LIN52: variants seen among roughly 807,000 people sequenced by gnomAD.
LIN52 encodes protein lin-52 homolog.
LIN52 carries 4 observed loss-of-function variants against 18.5 expected under a neutral mutation model. The observed-to-expected ratio is 0.22, with a 90% confidence interval of 0.11 to 0.49. The LOEUF is 0.49. Ranked by LOEUF, LIN52 falls within the 20% of genes least tolerant of loss-of-function variation. The pLI is 0.97. For missense variants in LIN52, 102 were observed against 139.5 expected (o/e 0.73, Z 1.35); for synonymous variants, 34 against 45.5 (o/e 0.75, Z 1.02).
chr14:74,143,172 C>T (rs140271542), intron 5 of LIN52, among the ~76,000 whole-genome samples: 2,091 of 152,114 alleles, frequency 0.014, 34 homozygotes, highest in Middle Eastern at 0.092. Context: ...GTGCATAACA[C>T]CTATAGTTTA....
intron 5 of LIN52, among the ~76,000 whole-genome samples, chr14:74,182,609 A>G (rs1382178383): frequency 6.6e-6 from 1 of 152,148 alleles, no homozygotes; most frequent in African/African-American, 2.4e-5. Flanking sequence ...AGTTGTTGAT[A>G]GTGTGAGGGC....
At chr14:74,167,764 G>A (rs2061255743) in intron 5 of LIN52, among the ~76,000 whole-genome samples, 1 of 152,098 alleles carries the variant, frequency 6.6e-6, no homozygotes, top group Non-Finnish European at 1.5e-5. Flanking sequence ...TTGAACTCTT[G>A]AACTCAAGCA....
At chr14:74,166,282 T>C (rs1388693317) in intron 5 of LIN52, among the ~76,000 whole-genome samples, 12 of 152,132 alleles carry the variant, frequency 7.9e-5, no homozygotes, top group Non-Finnish European at 1.6e-4. Context: ...AATGGCGCGA[T>C]CTCAGCTCAC....
At chr14:74,179,002 A>G (rs993805929) in intron 5 of LIN52, among the ~76,000 whole-genome samples, 1 of 151,956 alleles carries the variant, frequency 6.6e-6, no homozygotes, top group African/African-American at 2.4e-5. Context: ...TGAGAGGACC[A>G]CTTGAGCCCA....
At chr14:74,149,011 C>T (rs1364043180) in intron 5 of LIN52, among the ~76,000 whole-genome samples, 1 of 152,192 alleles carries the variant, frequency 6.6e-6, no homozygotes, top group Non-Finnish European at 1.5e-5. Flanking sequence ...CACAAAAACC[C>T]TTAATTTTTA....
At position 74,137,747 on chromosome 14, in the gene LIN52, C is replaced by G. The variant is rs183340359; in HGVS notation, c.283+36509C>G. Among the ~76,000 whole-genome samples, 902 of 152,188 alleles carry G rather than the reference C, an allele frequency of 5.9e-3. 8 individuals are homozygous for G. Among genetic ancestry groups the G allele is most frequent in the African/African-American group, 0.021 (857 of 41,502 alleles). On this transcript the variant is annotated intron_variant, in intron 5 of 5. Coordinates refer to ENST00000555028, the MANE Select transcript of LIN52 (RefSeq NM_001024674.3). ...ACTCTTGACCTCGTGATCCGCCTGC[C>G]TCAGCCTCCCAAAGTGCTGAGATTA...
At chr14:74,173,853 T>G (rs940665766) in intron 5 of LIN52, among the ~76,000 whole-genome samples, 1 of 152,206 alleles carries the variant, frequency 6.6e-6, no homozygotes, top group African/African-American at 2.4e-5. Flanking sequence ...TGCTCAAATT[T>G]TTTATCCAGA....
intron 5 of LIN52, among the ~76,000 whole-genome samples, chr14:74,183,847 T>C (rs1290019651): frequency 6.6e-6 from 1 of 152,188 alleles, no homozygotes; most frequent in Admixed American, 6.6e-5. Flanking sequence ...AACACTACCA[T>C]TATTAACATA....
At chr14:74,129,256 AG>A (rs2061046945) in intron 5 of LIN52, among the ~76,000 whole-genome samples, 1 of 152,196 alleles carries the variant, frequency 6.6e-6, no homozygotes, top group Non-Finnish European at 1.5e-5. Flanking sequence ...TAGTTGCTTT[AG>A]GATGATAGAC....
chr14:74,174,561 C>T (rs971600785), intron 5 of LIN52: 1 of 151,854 alleles, frequency 6.6e-6, no homozygotes, highest in African/African-American at 2.4e-5. Context: ...CTATGCCAAT[C>T]AGGTATCTGC....
intron 5 of LIN52, among the ~76,000 whole-genome samples, chr14:74,165,175 A>G (rs2061242868): frequency 6.6e-6 from 1 of 152,202 alleles, no homozygotes; most frequent in African/African-American, 2.4e-5. Flanking sequence ...AATAATGTAG[A>G]AACTGAATGT....
chr14:74,147,997 TTATGC>T (rs2061159733), intron 5 of LIN52, among the ~76,000 whole-genome samples: 1 of 152,178 alleles, frequency 6.6e-6, no homozygotes, highest in South Asian at 2.1e-4. Flanking sequence ...AAGGTGACTT[TTATGC>T]TATGTGAATT....
chr14:74,119,295 A>G (rs1002348668), intron 5 of LIN52, among the ~76,000 whole-genome samples: 1 of 149,086 alleles, frequency 6.7e-6, no homozygotes, highest in Non-Finnish European at 1.5e-5. Flanking sequence ...CCGAATAGCT[A>G]GGACTACAGG....
intron 1 of LIN52, 142 bp from the exon 2 acceptor site, chr14:74,091,090 C>T (rs534019009): frequency 4.2e-5 from 22 of 529,470 alleles, no homozygotes; most frequent in South Asian, 2.3e-4. Context: ...TATTCTATCA[C>T]GGACCAGTGG....
At chr14:74,192,113 T>G (rs1392684509) in intron 5 of LIN52, among the ~76,000 whole-genome samples, 2 of 152,144 alleles carry the variant, frequency 1.3e-5, no homozygotes, top group Non-Finnish European at 2.9e-5. Flanking sequence ...GGAAGATCTT[T>G]TTAGAAATAA....
At chr14:74,159,768 C>T (rs775814205) in intron 5 of LIN52, among the ~76,000 whole-genome samples, 9 of 152,100 alleles carry the variant, frequency 5.9e-5, no homozygotes, top group Non-Finnish European at 1.3e-4. Flanking sequence ...GACGGGGTTT[C>T]ACCATGTTGG....
At chr14:74,107,584 G>A (rs2060904617) in intron 5 of LIN52, among the ~76,000 whole-genome samples, 1 of 151,818 alleles carries the variant, frequency 6.6e-6, no homozygotes, top group Admixed American at 6.6e-5. Flanking sequence ...ATTCTTCTTG[G>A]AGATTTTTGG....
intron 5 of LIN52, among the ~76,000 whole-genome samples, chr14:74,127,577 T>C (rs906607491): frequency 5.3e-5 from 8 of 152,232 alleles, no homozygotes; most frequent in Non-Finnish European, 1.0e-4. Flanking sequence ...CAGTTTCTGA[T>C]CATGTAAAAA....
At chr14:74,188,787 G>A (rs2061351015) in intron 5 of LIN52, among the ~76,000 whole-genome samples, 1 of 152,144 alleles carries the variant, frequency 6.6e-6, no homozygotes, top group Admixed American at 6.5e-5. Context: ...ACCCAGTGAT[G>A]GACGTCTCAA....
Sources: gnomAD v4.1 joint callset for allele counts (sites outside exome capture counted in the v4.1 genomes callset) on GRCh38, gnomAD v4.1.1 for gene constraint, MANE v1.5 for transcripts, NCBI Gene and HGNC (gene_info 2026-07-23, HGNC 2026-07-21) for gene names.